PLCB4: variants seen among roughly 807,000 people sequenced by gnomAD.
PLCB4 encodes 1-phosphatidylinositol 4,5-bisphosphate phosphodiesterase beta-4.
Under a neutral mutation model 178.8 loss-of-function variants are expected in PLCB4, and 77 were observed. The ratio of observed to expected loss-of-function variants is 0.43; its 90% confidence interval spans 0.36 to 0.52. The LOEUF is 0.52. Among genes scored for constraint, PLCB4 ranks in the 20% least tolerant of loss-of-function variants. The pLI, the probability that PLCB4 is intolerant of heterozygous loss-of-function variation, is 0.00. For missense variants in PLCB4, 1,024 were observed against 1,453.4 expected, an observed-to-expected ratio of 0.70 and a Z score of 4.80; for synonymous variants, 496 against 490.8, an observed-to-expected ratio of 1.01 and a Z score of -0.14.
chr20:9,415,604 G>A (rs1181675448), intron 25 of PLCB4, among the ~76,000 whole-genome samples: 1 of 152,200 alleles, frequency 6.6e-6, no homozygotes, highest in Admixed American at 6.5e-5. Context: ...TTGGATCCCT[G>A]TCTTGGCATT....
rs910541505 is a variant in PLCB4, at chr20:9,437,154, T to TGA, written c.2764+10_2764+11dup. On this transcript the variant is annotated splice_region_variant and intron_variant, in intron 30 of 39. Coordinates refer to ENST00000378473, the MANE Select transcript of PLCB4 (RefSeq NM_001377142.1). ...CCTCTGGTGTGGAAGCCAAGAAAGG[T>TGA]GAGAGAGAGCCGTTGGGTTCCTTAT... 6.2e-7 allele frequency: 1 copy of TGA among 1,613,142 alleles called. No homozygotes were observed. Among genetic ancestry groups the TGA allele is most frequent in the African/African-American group, 1.3e-5 (1 of 74,812 alleles).
chr20:9,233,286 T>G (rs1222925975), intron 3 of PLCB4, among the ~76,000 whole-genome samples: 1 of 152,152 alleles, frequency 6.6e-6, no homozygotes, highest in Admixed American at 6.6e-5. Flanking sequence ...TGTAATTTTT[T>G]TTCTGTCATT....
chr20:9,157,022 A>G (rs1417099415), intron 2 of PLCB4, among the ~76,000 whole-genome samples: 2 of 151,834 alleles, frequency 1.3e-5, no homozygotes, highest in African/African-American at 4.8e-5. Context: ...AGTCCATGTC[A>G]CTGCACAATG....
chr20:9,211,682 A>G (rs2093674475), intron 2 of PLCB4, among the ~76,000 whole-genome samples: 1 of 152,198 alleles, frequency 6.6e-6, no homozygotes, highest in Non-Finnish European at 1.5e-5. Flanking sequence ...TAATGTGGTA[A>G]CATTACTATT....
intron 3 of PLCB4, among the ~76,000 whole-genome samples, chr20:9,245,736 G>C (rs1569011044): frequency 8.5e-6 from 1 of 117,788 alleles, no homozygotes. Flanking sequence ...ATATCTGGTG[G>C]GTTTTTTTTT....
At chr20:9,341,574 A>G (rs931652277) in intron 7 of PLCB4, among the ~76,000 whole-genome samples, 1 of 152,110 alleles carries the variant, frequency 6.6e-6, no homozygotes, top group Non-Finnish European at 1.5e-5. Context: ...GAGGAGGAAG[A>G]AGAGGAAGAG....
chr20:9,087,887 G>T (rs1309735524), intron 1 of PLCB4, among the ~76,000 whole-genome samples: 1 of 152,198 alleles, frequency 6.6e-6, no homozygotes, highest in Non-Finnish European at 1.5e-5. Flanking sequence ...CTGTGTCCTT[G>T]TCCAGGCAGC....
chr20:9,466,844 G>C (rs2043820039), intron 35 of PLCB4, among the ~76,000 whole-genome samples: 1 of 152,184 alleles, frequency 6.6e-6, no homozygotes. Flanking sequence ...GTGTAAATTT[G>C]TTCAACGATT....
intron 7 of PLCB4, among the ~76,000 whole-genome samples, chr20:9,354,711 C>T (rs997052875): frequency 6.6e-6 from 1 of 152,098 alleles, no homozygotes; most frequent in Non-Finnish European, 1.5e-5. Context: ...AGGTACAAGC[C>T]CTGGTATCCT....
chr20:9,374,990 TG>T (rs1227355183), intron 12 of PLCB4, among the ~76,000 whole-genome samples: 1 of 152,110 alleles, frequency 6.6e-6, no homozygotes, highest in East Asian at 1.9e-4. Context: ...CCTTAAATTT[TG>T]GGGTGTGACT....
At chr20:9,116,584 A>G (rs2091786652) in intron 2 of PLCB4, among the ~76,000 whole-genome samples, 1 of 152,180 alleles carries the variant, frequency 6.6e-6, no homozygotes, top group Admixed American at 6.5e-5. Flanking sequence ...AGGCTGTAGG[A>G]GCCTCGGTTG....
At chr20:9,123,305 G>A (rs927704370) in intron 2 of PLCB4, among the ~76,000 whole-genome samples, 2 of 152,050 alleles carry the variant, frequency 1.3e-5, no homozygotes, top group East Asian at 3.9e-4. Flanking sequence ...TTTTACTGCA[G>A]CTTGTAAATA....
intron 4 of PLCB4, among the ~76,000 whole-genome samples, chr20:9,331,850 C>T (rs1201555233): frequency 6.6e-6 from 1 of 152,124 alleles, no homozygotes; most frequent in Non-Finnish European, 1.5e-5. Flanking sequence ...GAGTGGGGAT[C>T]TCTGAGCCAG....
intron 35 of PLCB4, among the ~76,000 whole-genome samples, chr20:9,462,060 G>T (rs949008656): frequency 2.0e-5 from 3 of 152,138 alleles, no homozygotes; most frequent in Non-Finnish European, 4.4e-5. Flanking sequence ...AGCTGCCACA[G>T]GAAGGATCAG....
At chr20:9,093,202 C>T (rs1042954372) in intron 1 of PLCB4, among the ~76,000 whole-genome samples, 5 of 152,136 alleles carry the variant, frequency 3.3e-5, no homozygotes, top group African/African-American at 7.2e-5. Flanking sequence ...AGTATGGTTG[C>T]GAGCTAATGG....
At chr20:9,348,728 CT>C (rs767412418) in intron 7 of PLCB4, among the ~76,000 whole-genome samples, 49 of 152,280 alleles carry the variant, frequency 3.2e-4, no homozygotes, top group Admixed American at 7.8e-4. Context: ...GCTGGACTTA[CT>C]TAAAAGCTCC....
chr20:9,449,995 C>G (rs1479784919), intron 32 of PLCB4, among the ~76,000 whole-genome samples: 1 of 152,174 alleles, frequency 6.6e-6, no homozygotes, highest in Non-Finnish European at 1.5e-5. Context: ...CATTCACGCC[C>G]ATAGTCACAT....
At chr20:9,355,079 C>A (rs1205270974) in intron 7 of PLCB4, among the ~76,000 whole-genome samples, 1 of 152,124 alleles carries the variant, frequency 6.6e-6, no homozygotes, top group African/African-American at 2.4e-5. Context: ...CCAGGTGATT[C>A]TAATGTACCA....
At chr20:9,200,691 A>G (rs1380422537) in intron 2 of PLCB4, among the ~76,000 whole-genome samples, 1 of 152,080 alleles carries the variant, frequency 6.6e-6, no homozygotes, top group Non-Finnish European at 1.5e-5. Context: ...AGAATACAGC[A>G]TTCCCCTCAA....
Sources: gnomAD v4.1 joint callset for allele counts (sites outside exome capture counted in the v4.1 genomes callset) on GRCh38, gnomAD v4.1.1 for gene constraint, MANE v1.5 for transcripts, NCBI Gene and HGNC (gene_info 2026-07-23, HGNC 2026-07-21) for gene names.